The following SEC31A variants were observed in gnomAD, a reference collection of about 807,000 sequenced individuals.
SEC31A encodes SEC31 homolog A, COPII component.
SEC31A carries 70 observed loss-of-function variants against 151.0 expected under a neutral mutation model. The ratio of observed to expected loss-of-function variants is 0.46; its 90% CI spans 0.38 to 0.57. The LOEUF is 0.57. Ranked by LOEUF, SEC31A falls within the 20% of genes least tolerant of loss-of-function variation. The pLI, the probability that SEC31A is intolerant of heterozygous loss-of-function variation, is 0.00. For missense variants in SEC31A, 1,330 were observed against 1,471.2 expected, an observed-to-expected ratio of 0.90 and a Z score of 1.57; for synonymous variants, 475 against 505.9, an observed-to-expected ratio of 0.94 and a Z score of 0.82.
At chr4:82,853,441 G>T in intron 18 of SEC31A, 129 bp downstream of exon 18, 1 of 754,040 alleles carries the variant, frequency 1.3e-6, no homozygotes, top group Non-Finnish European at 2.0e-6. Context: ...AGCAATAAAT[G>T]CATATAATTA....
intron 25 of SEC31A, among the ~76,000 whole-genome samples, chr4:82,822,577 G>A (rs900125398): frequency 6.6e-6 from 1 of 152,150 alleles, no homozygotes; most frequent in Non-Finnish European, 1.5e-5. Context: ...ACTTTGTGCT[G>A]TTTAGACATA....
chr4:82,843,196 T>A (rs1320721547), intron 21 of SEC31A, among the ~76,000 whole-genome samples: 1 of 151,730 alleles, frequency 6.6e-6, no homozygotes, highest in Non-Finnish European at 1.5e-5. Context: ...AATGGTGTGA[T>A]CGTAGCTCAC....
At chr4:82,895,360 C>G (rs1289211813), upstream of SEC31A, 5 of 152,194 alleles carry the variant, frequency 3.3e-5, no homozygotes, top group Non-Finnish European at 5.9e-5. Context: ...ATCCCAGCCA[C>G]TTGGGAAGCT....
At chr4:82,851,889 A>C (rs1731526160) in intron 18 of SEC31A, among the ~76,000 whole-genome samples, 1 of 152,220 alleles carries the variant, frequency 6.6e-6, no homozygotes, top group Non-Finnish European at 1.5e-5. Flanking sequence ...GCAAATACTC[A>C]AAGTGAAAAT....
At chr4:82,851,676 A>G (rs2149358544) in intron 18 of SEC31A, 72 bp from the exon 19 acceptor site, 1 of 1,318,182 alleles carries the variant, frequency 7.6e-7, no homozygotes, top group Non-Finnish European at 1.0e-6. Flanking sequence ...AAAGATCAAG[A>G]GTTACTAAGA....
At chr4:82,862,400 T>C in intron 13 of SEC31A, 134 bp downstream of exon 13, 2 of 625,836 alleles carry the variant, frequency 3.2e-6, no homozygotes, top group Non-Finnish European at 5.6e-6. Context: ...ATTATTAATT[T>C]ATTAAAATAT....
intron 22 of SEC31A, among the ~76,000 whole-genome samples, chr4:82,836,699 CCAGAAGCTGTGGGGAA>C (rs1310714786): frequency 7.2e-5 from 11 of 152,058 alleles, no homozygotes; most frequent in Non-Finnish European, 1.6e-4. Flanking sequence ...ACAGTAGTTA[CCAGAAGCTGTGGGGAA>C]CAGAAGCTAT....
intron 21 of SEC31A, 163 bp downstream of exon 21, chr4:82,844,223 C>A: frequency 1.5e-6 from 1 of 667,944 alleles, no homozygotes. Flanking sequence ...GTGATTCAGG[C>A]CACCTCCTAA....
chr4:82,851,129 T>C (rs73829992), intron 19 of SEC31A, among the ~76,000 whole-genome samples: 3 of 152,248 alleles, frequency 2.0e-5, no homozygotes, highest in East Asian at 1.9e-4. Flanking sequence ...GAACTTTGTA[T>C]GAAGAATCAG....
At chr4:82,891,557 C>CA (rs1262476055), upstream of SEC31A, among the ~76,000 whole-genome samples, 1 of 152,248 alleles carries the variant, frequency 6.6e-6, no homozygotes, top group Admixed American at 6.5e-5. Flanking sequence ...CTGCCCGCGC[C>CA]AAACCAGGTG....
At chr4:82,843,021 C>T (rs1729263890) in intron 21 of SEC31A, among the ~76,000 whole-genome samples, 1 of 152,152 alleles carries the variant, frequency 6.6e-6, no homozygotes, top group South Asian at 2.1e-4. Flanking sequence ...ACTCTATGAT[C>T]CCTAACAAAA....
upstream of SEC31A, among the ~76,000 whole-genome samples, chr4:82,891,914 A>G (rs1254326218): frequency 6.6e-6 from 1 of 152,226 alleles, no homozygotes; most frequent in Non-Finnish European, 1.5e-5. Flanking sequence ...CACTTGCTAA[A>G]TTACCAGAAA....
At chr4:82,836,542 A>C (rs907466919) in intron 22 of SEC31A, among the ~76,000 whole-genome samples, 1 of 152,154 alleles carries the variant, frequency 6.6e-6, no homozygotes, top group African/African-American at 2.4e-5. Context: ...CTCAGCCTTA[A>C]AAAAAATTCT....
At position 82,842,207 on chromosome 4, in the gene SEC31A, A is replaced by G. The variant is rs146924041; in HGVS notation, c.2901T>C (p.Tyr967=). The G allele has an allele frequency of 6.2e-7, 1 of 1,610,156 alleles. No individual in the cohort carries two copies. Among genetic ancestry groups the G allele is most frequent in the Non-Finnish European group, 8.5e-7 (1 of 1,177,754 alleles). Residue 967 remains tyrosine, a synonymous_variant, in exon 22 of 27, where the codon TAT becomes TAC. Transcript: ENST00000395310. Reference sequence around the variant, plus strand: ...TACCTGTTGTTCCAGGAGGCAGTGCATAAGCTGAAGATGATGGTGGAGCTC... The same window carrying G: ...TACCTGTTGTTCCAGGAGGCAGTGCGTAAGCTGAAGATGATGGTGGAGCTC... ...GPGAPPSSSA[Y]ALPPGTTGTL...
chr4:82,828,362 A>G (rs1479745530), intron 23 of SEC31A, among the ~76,000 whole-genome samples: 1 of 152,216 alleles, frequency 6.6e-6, no homozygotes, highest in Non-Finnish European at 1.5e-5. Context: ...TAAAAGTACT[A>G]AATTCAGTTT....
intron 23 of SEC31A, among the ~76,000 whole-genome samples, chr4:82,827,883 T>C (rs1724968435): frequency 1.3e-5 from 2 of 150,822 alleles, no homozygotes; most frequent in African/African-American, 4.9e-5. Context: ...TACCCTCCCA[T>C]ACTTATCCCC....
intron 16 of SEC31A, among the ~76,000 whole-genome samples, chr4:82,855,769 A>C (rs1171409094): frequency 6.6e-6 from 1 of 152,156 alleles, no homozygotes; most frequent in Non-Finnish European, 1.5e-5. Context: ...GAGGGGAACA[A>C]CACACACTGG....
chr4:82,878,395 G>A (rs771668343), intron 4 of SEC31A, among the ~76,000 whole-genome samples: 3 of 152,296 alleles, frequency 2.0e-5, no homozygotes, highest in East Asian at 1.9e-4. Context: ...TCGGGAGGCT[G>A]AGGCAGGAGA....
Position 82,878,724 on chromosome 4 carries a change from C to T in SEC31A, c.402+6G>A. 1 of 1,610,896 alleles carries T rather than the reference C, an allele frequency of 6.2e-7. No homozygotes were observed. The highest frequency in any genetic ancestry group is 1.7e-4 in the Middle Eastern group (1 of 6,052). On this transcript the variant is annotated splice_donor_region_variant and intron_variant, in intron 4 of 26. Coordinates refer to ENST00000395310, the MANE Select transcript of SEC31A (RefSeq NM_001077207.4). The stretch of plus-strand genomic sequence containing the variant: ...TCTAAGAATTATGAAATGTTAAAGT[C>T]TTAACCTGGAAAATGTTCACATCCA...
Sources: gnomAD v4.1 joint callset for allele counts (sites outside exome capture counted in the v4.1 genomes callset) on GRCh38, gnomAD v4.1.1 for gene constraint, MANE v1.5 for transcripts, NCBI Gene and HGNC (gene_info 2026-07-23, HGNC 2026-07-21) for gene names.